Variants in FAM222A observed in about 807,000 individuals in gnomAD.
The protein encoded by FAM222A is protein FAM222A.
A neutral mutation model predicts 25.8 loss-of-function variants in FAM222A; 7 were observed. The observed-to-expected ratio is 0.27, with a 90% CI of 0.15 to 0.51. The LOEUF (loss-of-function observed/expected upper bound fraction) is 0.51, where lower values mean the gene tolerates loss of function less well. Ranked by LOEUF, FAM222A falls within the 20% of genes least tolerant of loss-of-function variation. The probability of loss-of-function intolerance (pLI) is 0.97; values close to 1 mark genes in which losing one functional copy is unlikely to be tolerated. For missense variants in FAM222A, 573 were observed against 640.5 expected (o/e 0.89, Z 1.14); for synonymous variants, 294 against 298.8 (o/e 0.98, Z 0.17).
Position 109,744,287 on chromosome 12 carries a change from A to T in FAM222A, c.82+59A>T, listed in dbSNP as rs896199149. 96 of 1,547,764 alleles carry T rather than the reference A, an allele frequency of 6.2e-5. No homozygotes were observed. In the African/African-American group the frequency reaches 1.3e-3, roughly 20 times the overall value. ...AGGTCGTGGGCAGAGAACGCCATTC[A>T]CCCCCCAGGATGTCCACCTACCATG... On this transcript the variant is annotated intron_variant, in intron 2 of 2. Coordinates refer to ENST00000538780, the MANE Select transcript of FAM222A (RefSeq NM_032829.3).
intron 2 of FAM222A, among the ~76,000 whole-genome samples, chr12:109,749,754 GTTAT>G (rs1452931791): frequency 1.3e-5 from 2 of 152,156 alleles, no homozygotes; most frequent in Non-Finnish European, 2.9e-5. Context: ...GTGATGCAAT[GTTAT>G]TTAATGCATA....
chr12:109,717,886 C>G (rs1213467719), intron 1 of FAM222A, among the ~76,000 whole-genome samples: 2 of 152,192 alleles, frequency 1.3e-5, no homozygotes, highest in African/African-American at 4.8e-5. Context: ...GGCTGGACTG[C>G]TGAACCCCCT....
chr12:109,752,110 G>A (rs1888577723), intron 2 of FAM222A, among the ~76,000 whole-genome samples: 1 of 152,146 alleles, frequency 6.6e-6, no homozygotes, highest in Non-Finnish European at 1.5e-5. Context: ...GATTGCTACT[G>A]TCCCCCTGTC....
intron 2 of FAM222A, among the ~76,000 whole-genome samples, chr12:109,758,624 C>G (rs1407907390): frequency 1.3e-5 from 2 of 151,422 alleles, no homozygotes; most frequent in Non-Finnish European, 2.9e-5. Context: ...GCTGTGTCTG[C>G]CCTAGCCCAG....
At chr12:109,758,664 C>A (rs1277027338) in intron 2 of FAM222A, among the ~76,000 whole-genome samples, 1 of 152,142 alleles carries the variant, frequency 6.6e-6, no homozygotes, top group African/African-American at 2.4e-5. Flanking sequence ...TCCTGGGCGA[C>A]CTCATTAGGG....
chr12:109,732,251 A>G (rs1300818878), intron 1 of FAM222A, among the ~76,000 whole-genome samples: 1 of 152,232 alleles, frequency 6.6e-6, no homozygotes, highest in Non-Finnish European at 1.5e-5. Context: ...CCCCCTCATT[A>G]CAAAAGTCAT....
chr12:109,763,326 G>A lies in FAM222A; in HGVS notation c.83-4686G>A, dbSNP rs116899917. 5.3e-5 allele frequency among the ~76,000 whole-genome samples: 8 copies of A among 152,372 alleles called. No individual in the cohort carries two copies. In the East Asian group the frequency reaches 1.5e-3, roughly 29 times the overall value. ...CTGCATGAGTCACCTACTGCCGTGT[G>A]ACAAGTAAAACTCAGTGGCTTAAGG... is the stretch of plus-strand genomic sequence containing the variant. On this transcript the variant is annotated intron_variant, in intron 2 of 2. Coordinates refer to ENST00000538780, the MANE Select transcript of FAM222A (RefSeq NM_032829.3).
At chr12:109,758,323 T>C (rs565890612) in intron 2 of FAM222A, among the ~76,000 whole-genome samples, 17 of 152,304 alleles carry the variant, frequency 1.1e-4, no homozygotes, top group African/African-American at 3.1e-4. Context: ...AAAAGGAAGG[T>C]GGCCAGCCTT....
intron 2 of FAM222A, among the ~76,000 whole-genome samples, chr12:109,764,185 G>T (rs2136383774): frequency 7.8e-6 from 1 of 128,196 alleles, no homozygotes; most frequent in South Asian, 2.5e-4. Context: ...AGCTACGACT[G>T]TGCCACTGCA....
rs534264008 is a variant in FAM222A, at chr12:109,726,239, T to C, written c.-47+11342T>C. Among the ~76,000 whole-genome samples the C allele has an allele frequency of 2.6e-5, 4 of 151,938 alleles. No individual in the cohort carries two copies. The East Asian group carries it at 7.7e-4, about 29-fold the overall frequency. On this transcript the variant is annotated intron_variant, in intron 1 of 2. Coordinates refer to ENST00000538780, the MANE Select transcript of FAM222A (RefSeq NM_032829.3). ...CTAGAATAGCTCATCAGGTTTATGGTCCACCTCCTGCATGCCAAGCATGGG... is the reference window on the plus strand; with the variant it reads ...CTAGAATAGCTCATCAGGTTTATGGCCCACCTCCTGCATGCCAAGCATGGG...
Position 109,768,578 on chromosome 12 carries a change from C to T in FAM222A, c.649C>T (p.Pro217Ser), listed in dbSNP as rs1249116776. The T allele has an allele frequency of 6.2e-7, 1 of 1,601,946 alleles. No individual in the cohort carries two copies. ...GCAGTGCCAGGCCCCGGGCGCCGCA[C>T]CCCCTGCCTGCCAGGGCATGGCTAT... ...NQQCQAPGAA[P>S]PACQGMAIPH... The change falls in exon 3 of 3, where the codon CCC becomes TCC. Residue 217 changes from proline (P) to serine (S), a missense_variant. By Grantham distance (74) the Pro-to-Ser change is moderately conservative. Coordinates refer to ENST00000538780, the MANE Select transcript of FAM222A (RefSeq NM_032829.3).
chr12:109,749,647 C>T (rs1217484491), intron 2 of FAM222A, among the ~76,000 whole-genome samples: 1 of 152,118 alleles, frequency 6.6e-6, no homozygotes, highest in Non-Finnish European at 1.5e-5. Context: ...TATATCCTTA[C>T]TTACCTGTCA....
intron 1 of FAM222A, among the ~76,000 whole-genome samples, chr12:109,735,197 A>G (rs951966768): frequency 1.2e-4 from 18 of 152,206 alleles, no homozygotes; most frequent in African/African-American, 4.3e-4. Flanking sequence ...TTCTTGCACA[A>G]GGACCCAGTC....
chr12:109,742,797 G>A (rs747326809), intron 1 of FAM222A, among the ~76,000 whole-genome samples: 5 of 152,040 alleles, frequency 3.3e-5, no homozygotes, highest in South Asian at 4.2e-4. Context: ...GGCTGCAACC[G>A]TCTCCGGGAA....
chr12:109,759,444 C>T (rs934138408), intron 2 of FAM222A, among the ~76,000 whole-genome samples: 1 of 152,200 alleles, frequency 6.6e-6, no homozygotes, highest in Admixed American at 6.5e-5. Flanking sequence ...CCTGCCCCCT[C>T]CTCAGCTTCT....
At chr12:109,727,677 G>C (rs1887868772) in intron 1 of FAM222A, among the ~76,000 whole-genome samples, 1 of 152,178 alleles carries the variant, frequency 6.6e-6, no homozygotes, top group African/African-American at 2.4e-5. Flanking sequence ...GTGGGGATGT[G>C]GCCGACTCTA....
intron 1 of FAM222A, among the ~76,000 whole-genome samples, chr12:109,742,914 A>G (rs1184693540): frequency 6.6e-6 from 1 of 152,166 alleles, no homozygotes; most frequent in African/African-American, 2.4e-5. Context: ...CATTATTAGA[A>G]GAAAGCGGCA....
At chr12:109,750,739 A>G (rs1888537666) in intron 2 of FAM222A, among the ~76,000 whole-genome samples, 1 of 151,918 alleles carries the variant, frequency 6.6e-6, no homozygotes, top group African/African-American at 2.4e-5. Context: ...CTGCACATTC[A>G]GAACGGTCTC....
rs927762462 is a variant in FAM222A at position 109,714,663 on chromosome 12, G to A, written c.-281G>A. On this transcript the variant is annotated 5_prime_UTR_variant, in exon 1 of 3. Transcript: ENST00000538780. This position sits in a 1 kb window ranked among gnomAD's most constrained non-coding sequence, Gnocchi z 4.2. Reference sequence around the variant, plus strand: ...CTGAGCGCCCGCGCGGCCCCCGTCCGGGGCGGGCGTGACCCCTGCTGAACG... The same window carrying A: ...CTGAGCGCCCGCGCGGCCCCCGTCCAGGGCGGGCGTGACCCCTGCTGAACG... 1.3e-5 allele frequency: 2 copies of A among 152,084 alleles called. No individual in the cohort carries two copies. The highest frequency in any genetic ancestry group is 1.3e-4 in the Admixed American group (2 of 15,286). The allele number at this position is 152,084 out of a possible 1,614,324, so 9.4% of individuals were successfully genotyped here. A position where few individuals can be genotyped will look rare whatever the true frequency, so the allele number is the denominator to read the frequency against.
Sources: gnomAD v4.1 joint callset for allele counts (sites outside exome capture counted in the v4.1 genomes callset) on GRCh38, gnomAD v4.1.1 for gene constraint, Gnocchi (gnomAD v3.1) non-coding constraint, MANE v1.5 for transcripts, NCBI Gene and HGNC (gene_info 2026-07-23, HGNC 2026-07-21) for gene names.